The following CD3D variants were observed in gnomAD, a reference collection of about 807,000 sequenced individuals.
CD3D encodes the protein T-cell surface glycoprotein CD3 delta chain.
Under a neutral mutation model 22.0 loss-of-function variants are expected in CD3D, and 22 were observed. That is an observed-to-expected ratio of 1.00 (90% CI 0.71 to 1.43). The LOEUF is 1.43. Among genes scored for constraint, CD3D ranks in the 40% most tolerant of loss-of-function variants. The pLI, the probability that CD3D is intolerant of heterozygous loss-of-function variation, is 0.00. For synonymous variants in CD3D, 74 were observed against 81.2 expected, an observed-to-expected ratio of 0.91 and a Z score of 0.48; for missense variants, 205 against 211.7, an observed-to-expected ratio of 0.97 and a Z score of 0.20.
Position 118,340,575 on chromosome 11 carries a change from G to A in CD3D, c.74C>T (p.Pro25Leu). The A allele has an allele frequency of 6.2e-7, 1 of 1,613,388 alleles. No homozygotes were observed. The highest frequency in any genetic ancestry group is 8.5e-7 in the Non-Finnish European group (1 of 1,179,474). Residue 25 changes from proline (P) to leucine (L), a missense_variant, in exon 2 of 5, where the codon CCT becomes CTT. Physicochemically the swap from Pro to Leu is moderately conservative, Grantham distance 98 (BLOSUM62 -3). Coordinates refer to ENST00000300692, the MANE Select transcript of CD3D (RefSeq NM_000732.6). ...LLSQVSPFKI[P>L]IEELEDRVFV... is the part of the protein sequence containing the mutation. ...CACTCTGTCCTCAAGTTCCTCTATA[G>A]GTATCTTGAAGGGGCTCACTAAAGG...
chr11:118,341,717 C>G (rs940937016), intron 1 of CD3D, among the ~76,000 whole-genome samples: 1 of 152,162 alleles, frequency 6.6e-6, no homozygotes, highest in Admixed American at 6.5e-5. Flanking sequence ...AGGGGTTCCT[C>G]GGACATGGGA....
chr11:118,341,890 C>T (rs747734767), intron 1 of CD3D, among the ~76,000 whole-genome samples: 9 of 152,148 alleles, frequency 5.9e-5, no homozygotes, highest in Non-Finnish European at 1.2e-4. Context: ...ATAATCATGG[C>T]CAAACAAACA....
intron 1 of CD3D, 108 bp from the exon 2 acceptor site, chr11:118,340,701 A>T (rs1948292865): frequency 7.5e-6 from 6 of 803,872 alleles, no homozygotes; most frequent in Non-Finnish European, 1.3e-5. Flanking sequence ...GGTCCAGGAC[A>T]GTTTATGGCT....
intron 3 of CD3D, 51 bp from the exon 4 acceptor site, chr11:118,339,545 A>T: frequency 6.2e-7 from 1 of 1,606,074 alleles, no homozygotes; most frequent in Non-Finnish European, 8.5e-7. Flanking sequence ...GGACTGTGAG[A>T]TCCACCCTCC....
chr11:118,339,420 T>A, intron 4 of CD3D, 31 bp downstream of exon 4: 1 of 1,612,870 alleles, frequency 6.2e-7, no homozygotes, highest in East Asian at 2.2e-5. Context: ...TACCCTCCCT[T>A]CATTCCTGCC....
intron 1 of CD3D, among the ~76,000 whole-genome samples, chr11:118,341,223 A>G (rs1948297238): frequency 6.6e-6 from 1 of 152,178 alleles, no homozygotes; most frequent in Admixed American, 6.5e-5. Context: ...TCCCATGTAC[A>G]GTTTTCCACC....
chr11:118,339,263 G>T, intron 4 of CD3D, 36 bp from the exon 5 acceptor site: 1 of 1,593,784 alleles, frequency 6.3e-7, no homozygotes, highest in South Asian at 1.1e-5. Context: ...CAGGAGGCAG[G>T]GTTAGAACTC....
In CD3D at chr11:118,340,539, C is replaced by A; in HGVS notation, c.110G>T (p.Cys37Phe). The A allele has an allele frequency of 6.2e-7, 1 of 1,614,034 alleles. No individual in the cohort carries two copies. The highest frequency in any genetic ancestry group is 8.5e-7 in the Non-Finnish European group (1 of 1,179,996). Residue 37 changes from cysteine (C) to phenylalanine (F), a missense_variant, in exon 2 of 5, where the codon TGC becomes TTC. By Grantham distance (205) the Cys-to-Phe change is radical. Transcript: ENST00000300692. ...CTCTACCCATGTGATGCTGGTATTGCAATTCACAAACACTCTGTCCTCAAG... is the reference window on the plus strand; with the variant it reads ...CTCTACCCATGTGATGCTGGTATTGAAATTCACAAACACTCTGTCCTCAAG... ...EELEDRVFVNCNTSITWVEGT... is the reference protein window; with the variant it reads ...EELEDRVFVNFNTSITWVEGT...
chr11:118,339,856 CAAT>C lies in CD3D; in HGVS notation c.322_324del (p.Ile108del). On this transcript the variant is annotated inframe_deletion, in exon 3 of 5. Transcript: ENST00000300692. The stretch of plus-strand genomic sequence containing the variant: ...AGCAGAGTGGCAATGACATCAGTGA[CAAT>C]GATGCCAGCCACGGTGGCTGGATCC... 3 of 1,614,014 alleles carry C rather than the reference CAAT, an allele frequency of 1.9e-6. No homozygotes were observed. The highest frequency in any genetic ancestry group is 8.5e-7 in the Non-Finnish European group (1 of 1,179,998).
At chr11:118,339,633 G>A (rs1948281090) in intron 3 of CD3D, 139 bp from the exon 4 acceptor site, 13 of 1,552,596 alleles carry the variant, frequency 8.4e-6, no homozygotes. Flanking sequence ...GTCTTTAGGA[G>A]ATTGCAAGAG....
Position 118,339,085 on chromosome 11 carries a change from AG to A in CD3D, c.*76del. 1 of 1,268,720 alleles carries A rather than the reference AG, an allele frequency of 7.9e-7. No homozygotes were observed. Among genetic ancestry groups the A allele is most frequent in the Non-Finnish European group, 1.2e-6 (1 of 864,968 alleles). 78.6% of individuals were successfully genotyped at this position (1,268,720 alleles called of 1,614,324 possible). A position where few individuals can be genotyped will look rare whatever the true frequency, so the allele number is the denominator to read the frequency against. On this transcript the variant is annotated 3_prime_UTR_variant, in exon 5 of 5. Coordinates refer to ENST00000300692, the MANE Select transcript of CD3D (RefSeq NM_000732.6). ...AGCCCAGGCACCTGCTGAGTGAAAG[AG>A]GATATATTTATTGGCTGAGCAAGAA... is the stretch of plus-strand genomic sequence containing the variant.
rs1175400129 is a variant in CD3D, at chr11:118,342,657, G to A, written c.-50C>T. 1 of 1,536,576 alleles carries A rather than the reference G, an allele frequency of 6.5e-7. No individual in the cohort carries two copies. Among genetic ancestry groups the A allele is most frequent in the Admixed American group, 1.7e-5 (1 of 59,822 alleles). ...ATAAAGCCAGGTCACCGAACTATCA[G>A]CCTGGGTGAGAGCTGCCCTCCCCTA... On this transcript the variant is annotated 5_prime_UTR_variant, in exon 1 of 5. Coordinates refer to ENST00000300692, the MANE Select transcript of CD3D (RefSeq NM_000732.6).
chr11:118,339,257 A>T (rs1461560851), intron 4 of CD3D, 30 bp from the exon 5 acceptor site: 1 of 1,601,852 alleles, frequency 6.2e-7, no homozygotes. Context: ...AACGGTCAGG[A>T]GGCAGGGTTA....
chr11:118,341,098 G>C (rs1565518255), intron 1 of CD3D, among the ~76,000 whole-genome samples: 1 of 152,128 alleles, frequency 6.6e-6, no homozygotes, highest in South Asian at 2.1e-4. Context: ...CCAAGAAAGC[G>C]GGGCTCTCAA....
At chr11:118,340,670 C>T (rs1171537803) in intron 1 of CD3D, 77 bp from the exon 2 acceptor site, 4 of 1,015,074 alleles carry the variant, frequency 3.9e-6, no homozygotes, top group Non-Finnish European at 6.1e-6. Flanking sequence ...GAAGCTCATA[C>T]TTAACAGAGA....
intron 1 of CD3D, among the ~76,000 whole-genome samples, chr11:118,341,409 A>G (rs957482613): frequency 6.6e-6 from 1 of 152,228 alleles, no homozygotes; most frequent in Non-Finnish European, 1.5e-5. Flanking sequence ...GAGGCACTAC[A>G]GTCTATGCCT....
chr11:118,341,072 C>T (rs1334809642), intron 1 of CD3D: 3 of 409,344 alleles, frequency 7.3e-6, no homozygotes, highest in Non-Finnish European at 1.5e-5. Flanking sequence ...CCTCATTGCC[C>T]CTGCTCCATT....
chr11:118,339,734 A>T, intron 3 of CD3D, 41 bp downstream of exon 3: 1 of 1,611,624 alleles, frequency 6.2e-7, no homozygotes, highest in Non-Finnish European at 8.5e-7. Flanking sequence ...ACACACACAC[A>T]CACACACAAA....
At chr11:118,342,464 C>G (rs932238398) in intron 1 of CD3D, 89 bp downstream of exon 1, 1 of 1,210,660 alleles carries the variant, frequency 8.3e-7, no homozygotes, top group African/African-American at 1.5e-5. Context: ...AGCCACCGTG[C>G]CTGGCAAGAA....
Sources: allele counts gnomAD v4.1 joint callset (sites outside exome capture counted in the v4.1 genomes callset), GRCh38; gene constraint gnomAD v4.1.1; transcripts MANE v1.5; gene names NCBI Gene and HGNC (gene_info 2026-07-23, HGNC 2026-07-21).